PLXND1: variants seen among roughly 807,000 people sequenced by gnomAD.
The protein encoded by PLXND1 is plexin D1.
A neutral mutation model predicts 197.7 loss-of-function variants in PLXND1; 54 were observed. The ratio of observed to expected loss-of-function variants is 0.27; its 90% CI spans 0.22 to 0.34. PLXND1 has a LOEUF of 0.34. Among genes scored for constraint, PLXND1 ranks in the 10% least tolerant of loss-of-function variants. The probability of loss-of-function intolerance (pLI) is 1.00; values close to 1 mark genes in which losing one functional copy is unlikely to be tolerated. For synonymous variants in PLXND1, 1,180 were observed against 1,161.2 expected (o/e 1.02, Z -0.33); for missense variants, 2,127 against 2,699.2 (o/e 0.79, Z 4.70).
Position 129,572,665 on chromosome 3 carries a change from A to G in PLXND1, c.3021T>C (p.His1007=), listed in dbSNP as rs1388353231. The change falls in exon 15 of 36, where the codon CAT becomes CAC. Residue 1007 remains histidine (H), a synonymous_variant. Transcript: ENST00000324093. ...CCAGGACCTGGAGCTCGGAGCCTAC[A>G]TGGAGGTCATTCCCATGGATGGTGA... is the stretch of plus-strand genomic sequence containing the variant. ...TRITIHGNDL[H]VGSELQVLVN... is the part of the protein sequence containing the mutation. The G allele has an allele frequency of 4.4e-6, 7 of 1,605,428 alleles. No homozygotes were observed. The highest frequency in any genetic ancestry group is 6.0e-6 in the Non-Finnish European group (7 of 1,175,446).
chr3:129,606,217 C>A lies in PLXND1; in HGVS notation c.423G>T (p.Gly141=), dbSNP rs199530087. The change falls in exon 1 of 36, where the codon GGG becomes GGT. Residue 141 remains glycine, a synonymous_variant. Transcript: ENST00000324093. ...DPGQGLVVVC[G]SIYQGFCQLR... ...GCTGGCAGAAGCCCTGGTAGATGGACCCGCACACGACTACCAGGCCCTGGC... is the reference window on the plus strand; with the variant it reads ...GCTGGCAGAAGCCCTGGTAGATGGAACCGCACACGACTACCAGGCCCTGGC... 3.4e-5 allele frequency: 53 copies of A among 1,579,998 alleles called. 1 individual carries two copies. The African/African-American group carries it at 6.8e-4, about 20-fold the overall frequency.
rs777992382 is a variant in PLXND1 at position 129,571,265 on chromosome 3, C to T, written c.3375G>A (p.Pro1125=). The T allele has an allele frequency of 3.0e-5, 48 of 1,613,666 alleles. No homozygotes were observed. The highest frequency in any genetic ancestry group is 3.3e-4 in the Middle Eastern group (2 of 6,076). ...KVLNSTLITC[P]SPGALSNASA... The stretch of plus-strand genomic sequence containing the variant: ...ATGCGTTGCTCAGGGCCCCGGGGGA[C>T]GGGCAGGTGATGAGGGTGGAGTTGA... The change falls in exon 18 of 36, where the codon CCG becomes CCA. Residue 1125 remains proline, a synonymous_variant. Coordinates refer to ENST00000324093, the MANE Select transcript of PLXND1 (RefSeq NM_015103.3).
chr3:129,592,828 C>T (rs370418240), intron 1 of PLXND1, among the ~76,000 whole-genome samples: 3 of 152,174 alleles, frequency 2.0e-5, no homozygotes, highest in African/African-American at 4.8e-5. Context: ...CAAGGCAAAC[C>T]GGCTCAAACA....
chr3:129,595,511 T>C (rs1047543587), intron 1 of PLXND1, among the ~76,000 whole-genome samples: 1 of 152,184 alleles, frequency 6.6e-6, no homozygotes, highest in African/African-American at 2.4e-5. Context: ...TCAGGAAGCC[T>C]GGCCTTAGCC....
chr3:129,605,152 G>A (rs991420997), intron 1 of PLXND1, among the ~76,000 whole-genome samples, 177 bp downstream of exon 1: 4 of 152,146 alleles, frequency 2.6e-5, no homozygotes, highest in African/African-American at 9.7e-5. Flanking sequence ...GGCGCCAGTA[G>A]TACCCCTCGG....
At chr3:129,591,606 T>C (rs2085543004) in intron 1 of PLXND1, 1 of 152,226 alleles carries the variant, frequency 6.6e-6, no homozygotes, top group Admixed American at 6.5e-5. Context: ...GTCCAGGAAG[T>C]GTTAGCCGAT....
intron 2 of PLXND1, 38 bp downstream of exon 2, chr3:129,589,313 C>A (rs1051658207): frequency 5.1e-6 from 3 of 592,304 alleles, no homozygotes; most frequent in South Asian, 1.6e-5. Context: ...GGGAGCCTCC[C>A]ACCCCCACCC....
chr3:129,583,732 G>T, intron 7 of PLXND1, 63 bp from the exon 8 acceptor site: 1 of 1,104,776 alleles, frequency 9.1e-7, no homozygotes, highest in Non-Finnish European at 1.3e-6. Flanking sequence ...CCTGTCCCAG[G>T]AACTAGAACC....
At position 129,605,359 on chromosome 3, in the gene PLXND1, T is replaced by G. The variant is rs1353211095; in HGVS notation, c.1281A>C (p.Gly427=). Residue 427 remains glycine (G), a synonymous_variant, in exon 1 of 36, where the codon GGA becomes GGC. Coordinates refer to ENST00000324093, the MANE Select transcript of PLXND1 (RefSeq NM_015103.3). ...AVLDSVVQGT[G]PACERKLNIQ... ...TGTTGAGCTTGCGCTCACAGGCCGG[T>G]CCCGTGCCCTGCACCACGCTGTCGA... is the stretch of plus-strand genomic sequence containing the variant. 6.8e-7 allele frequency: 1 copy of G among 1,478,486 alleles called. No individual in the cohort carries two copies. Among genetic ancestry groups the G allele is most frequent in the Non-Finnish European group, 8.9e-7 (1 of 1,122,266 alleles). The allele number at this position is 1,478,486 out of a possible 1,614,324, so 91.6% of individuals were successfully genotyped here.
chr3:129,564,024 T>C (rs999576880), intron 25 of PLXND1, among the ~76,000 whole-genome samples: 5 of 152,302 alleles, frequency 3.3e-5, no homozygotes, highest in African/African-American at 4.8e-5. Flanking sequence ...AACAGGCTCA[T>C]AGGGGAAGGC....
chr3:129,574,522 C>G (rs77335969), intron 11 of PLXND1, 32 bp from the exon 12 acceptor site: 2 of 1,601,564 alleles, frequency 1.2e-6, no homozygotes, highest in South Asian at 1.1e-5. Context: ...CGGTCAGCCC[C>G]GCTCTGCGGT....
At position 129,571,226 on chromosome 3, in the gene PLXND1, G is replaced by A. The variant is rs2085221740; in HGVS notation, c.3414C>T (p.Asp1138=). The part of the protein sequence containing the change: ...GALSNASAPV[D]FFINGRAYAD... The stretch of plus-strand genomic sequence containing the variant: ...CGTAGGCCCGCCCATTGATGAAGAA[G>A]TCCACTGGCGCTGATGCGTTGCTCA... The change falls in exon 18 of 36, where the codon GAC becomes GAT. Residue 1138 remains aspartate (D), a synonymous_variant. Coordinates refer to ENST00000324093, the MANE Select transcript of PLXND1 (RefSeq NM_015103.3). 5.0e-6 allele frequency: 8 copies of A among 1,614,158 alleles called. No individual in the cohort carries two copies. The highest frequency in any genetic ancestry group is 6.8e-6 in the Non-Finnish European group (8 of 1,180,012).
At chr3:129,601,005 G>T (rs1050830447) in intron 1 of PLXND1, among the ~76,000 whole-genome samples, 2 of 152,014 alleles carry the variant, frequency 1.3e-5, no homozygotes, top group Non-Finnish European at 2.9e-5. Flanking sequence ...GTCATTCATA[G>T]GTTGGGGAGA....
rs1316138217 is a variant in PLXND1 at position 129,583,587 on chromosome 3, C to T, written c.2221G>A (p.Glu741Lys). 18 of 1,613,244 alleles carry T rather than the reference C, an allele frequency of 1.1e-5. No individual in the cohort carries two copies. The highest frequency in any genetic ancestry group is 4.5e-5 in the East Asian group (2 of 44,852). Residue 741 changes from glutamate to lysine, a missense_variant, in exon 8 of 36, where the codon GAG becomes AAG. Physicochemically the swap from Glu to Lys is moderately conservative, Grantham distance 56. This residue lies in a region of PLXND1 where 1,095 missense variants were observed against 1,259.8 expected (regional missense o/e 0.87). Coordinates refer to ENST00000324093, the MANE Select transcript of PLXND1 (RefSeq NM_015103.3). ...HSCVSNQSRC[E>K]ASPNPTSPQD... is the part of the protein sequence containing the mutation. Reference sequence around the variant, plus strand: ...CTTACCGTGGGGTTTGGTGAGGCCTCGCACCGAGACTGGTTGGAAACACAG... The same window carrying T: ...CTTACCGTGGGGTTTGGTGAGGCCTTGCACCGAGACTGGTTGGAAACACAG...
At chr3:129,561,525 A>G in intron 29 of PLXND1, 121 bp downstream of exon 29, 1 of 711,350 alleles carries the variant, frequency 1.4e-6, no homozygotes. Context: ...AGCCCCCACC[A>G]AGGAGGCCTC....
At position 129,589,517 on chromosome 3, in the gene PLXND1, T is replaced by A; in HGVS notation, c.1322A>T (p.Glu441Val). ...ERKLNIQLQP[E>V]QLDCGAAHLQ... ...GTGAGCAGCTCCACAGTCCAGCTGC[T>A]CTGGCTGGAGCTGGAAGAGGAACGG... Residue 441 changes from glutamate to valine, a missense_variant, in exon 2 of 36, where the codon GAG (glutamate) becomes GTG (valine). Around this residue, in one of 6 missense-constraint regions of PLXND1, gnomAD observed 1,095 missense variants for 1,259.8 expected, o/e 0.87. Coordinates refer to ENST00000324093, the MANE Select transcript of PLXND1 (RefSeq NM_015103.3). The A allele has an allele frequency of 6.3e-7, 1 of 1,587,246 alleles. No homozygotes were observed. Among genetic ancestry groups the A allele is most frequent in the Non-Finnish European group, 8.6e-7 (1 of 1,167,588 alleles).
chr3:129,573,697 G>C lies in PLXND1; in HGVS notation c.2734C>G (p.Arg912Gly). The C allele has an allele frequency of 1.2e-6, 2 of 1,613,694 alleles. No individual in the cohort carries two copies. The highest frequency in any genetic ancestry group is 1.7e-6 in the Non-Finnish European group (2 of 1,179,992). ...AGCCGCCGGCCCAGGTTCCTTCCTCGGATGGTCAGCAGGGTCCCACCGTCC... is the reference window on the plus strand; with the variant it reads ...AGCCGCCGGCCCAGGTTCCTTCCTCCGATGGTCAGCAGGGTCCCACCGTCC... ...PLDGGTLLTIRGRNLGRRLSD... is the reference protein window; with the variant it reads ...PLDGGTLLTIGGRNLGRRLSD... The change falls in exon 13 of 36, where the codon CGA becomes GGA. Residue 912 changes from arginine to glycine, a missense_variant. Transcript: ENST00000324093.
intron 19 of PLXND1, 129 bp downstream of exon 19, chr3:129,570,657 C>T (rs1170662298): frequency 1.1e-5 from 10 of 893,452 alleles, no homozygotes; most frequent in Non-Finnish European, 1.8e-5. Context: ...TAAAGCTCTG[C>T]TTTGCTGGAC....
chr3:129,573,021 T>A, intron 13 of PLXND1, 80 bp from the exon 14 acceptor site: 1 of 927,156 alleles, frequency 1.1e-6, no homozygotes, highest in Non-Finnish European at 1.7e-6. Context: ...ATCGCCCCAT[T>A]CCACGCCATG....
Sources: allele counts gnomAD v4.1 joint callset (sites outside exome capture counted in the v4.1 genomes callset), GRCh38; gene constraint gnomAD v4.1.1; regional missense constraint gnomAD v4.1.1; transcripts MANE v1.5; gene names NCBI Gene and HGNC (gene_info 2026-07-23, HGNC 2026-07-21).